ARFGAP2: variants seen among roughly 807,000 people sequenced by gnomAD.
The protein encoded by ARFGAP2 is ADP-ribosylation factor GTPase-activating protein 2.
ARFGAP2 carries 45 observed loss-of-function variants against 71.9 expected under a neutral mutation model. The ratio of observed to expected loss-of-function variants is 0.63; its 90% CI spans 0.49 to 0.80. The LOEUF is 0.80. Among genes scored for constraint, ARFGAP2 ranks in the 30% least tolerant of loss-of-function variants. ARFGAP2 has a pLI of 0.00. For synonymous variants in ARFGAP2, 248 were observed against 249.2 expected (o/e 1.00, Z 0.05); for missense variants, 633 against 673.9 (o/e 0.94, Z 0.67).
At chr11:47,167,037 CT>C (rs1952413033) in intron 12 of ARFGAP2, 151 bp from the exon 13 acceptor site, 1 of 1,029,280 alleles carries the variant, frequency 9.7e-7, no homozygotes, top group African/African-American at 1.6e-5. Context: ...CCCCTCTCCC[CT>C]GGTGAGGAGT....
chr11:47,176,419 A>C, intron 2 of ARFGAP2, 97 bp downstream of exon 2: 1 of 1,218,840 alleles, frequency 8.2e-7, no homozygotes, highest in Non-Finnish European at 1.2e-6. Flanking sequence ...TTCCCACCGA[A>C]TTCAGAGCGG....
Position 47,176,811 on chromosome 11 carries a change from T to TAA in ARFGAP2, c.41_42dup (p.Lys15LeufsTer47). The TAA allele has an allele frequency of 6.2e-7, 1 of 1,613,972 alleles. No homozygotes were observed. The highest frequency in any genetic ancestry group is 8.5e-7 in the Non-Finnish European group (1 of 1,179,986). ...TTGGTTGGAACTGCGCGAAGCCTCT[T>TAA]AAAAAGAGTCTGGATTTCGGTCTTG... On this transcript the variant is annotated frameshift_variant, in exon 1 of 16. Coordinates refer to ENST00000524782, the MANE Select transcript of ARFGAP2 (RefSeq NM_032389.6). LOFTEE classifies it high-confidence loss of function.
Position 47,173,554 on chromosome 11 carries a change from G to A in ARFGAP2, c.563-72C>T, listed in dbSNP as rs981325656. 1.8e-5 allele frequency: 27 copies of A among 1,484,794 alleles called. No individual in the cohort carries two copies. In the Admixed American group the frequency reaches 4.5e-4, roughly 25 times the overall value. The allele number at this position is 1,484,794 out of a possible 1,614,324, so 92.0% of individuals were successfully genotyped here. A position where few individuals can be genotyped will look rare whatever the true frequency, so the allele number is the denominator to read the frequency against. ...CAACCTCCCCTTGAAAGAAGTGATG[G>A]GACAAGAATCGGTGGCTTTCCTCAG... is the stretch of plus-strand genomic sequence containing the variant. On this transcript the variant is annotated intron_variant, in intron 6 of 15. Transcript: ENST00000524782.
intron 2 of ARFGAP2, 27 bp from the exon 3 acceptor site, chr11:47,175,950 A>G (rs1565133530): frequency 6.2e-7 from 1 of 1,611,946 alleles, no homozygotes; most frequent in Non-Finnish European, 8.5e-7. Flanking sequence ...CGTCTCACCC[A>G]CTAGCAGATA....
At chr11:47,174,056 G>A (rs1952698994) in intron 5 of ARFGAP2, 2 of 819,016 alleles carry the variant, frequency 2.4e-6, no homozygotes, top group Non-Finnish European at 3.8e-6. Context: ...TTTACTTAGA[G>A]CCAGAGCCCA....
At chr11:47,167,004 G>A (rs1285041605) in intron 12 of ARFGAP2, 118 bp from the exon 13 acceptor site, 6 of 1,328,690 alleles carry the variant, frequency 4.5e-6, no homozygotes, top group East Asian at 4.7e-5. Flanking sequence ...GTCCCATTCT[G>A]TCTGTGGCTC....
At chr11:47,173,613 C>G in intron 6 of ARFGAP2, 131 bp from the exon 7 acceptor site, 1 of 1,403,780 alleles carries the variant, frequency 7.1e-7, no homozygotes. Flanking sequence ...ATATCTACCA[C>G]TTCCTCCAAG....
chr11:47,174,366 CCTTTTTTTTTTTTTT>C, intron 5 of ARFGAP2: 1 of 118,834 alleles, frequency 8.4e-6, no homozygotes, highest in Non-Finnish European at 1.6e-5. Context: ...AAGCACAGTG[CCTTTTTTTTTTTTTT>C]TTTTTTTTTT....
rs755409543 is a variant in ARFGAP2 at position 47,166,789 on chromosome 11, T to C, written c.1303A>G (p.Met435Val). The change falls in exon 13 of 16, where the codon ATG becomes GTG. Residue 435 changes from methionine (M) to valine (V), a missense_variant. Transcript: ENST00000524782. ...FAGAKAISSD[M>V]FFGREVDAEY... ...GCATCCACCTCCCGCCCAAAGAACA[T>C]GTCAGATGAGATGGCTTTGGCTCCT... is the stretch of plus-strand genomic sequence containing the variant. 8.7e-6 allele frequency: 14 copies of C among 1,614,058 alleles called. No individual in the cohort carries two copies. The highest frequency in any genetic ancestry group is 4.5e-5 in the East Asian group (2 of 44,888).
rs1400332466 is a variant in ARFGAP2 at position 47,164,846 on chromosome 11, G to A, written c.*636C>T. ...TACTGTAGAAAGGGGTGGTGAGACGGGAGAACCCAAGGGTCTCCGGTCTGA... is the reference window on the plus strand; with the variant it reads ...TACTGTAGAAAGGGGTGGTGAGACGAGAGAACCCAAGGGTCTCCGGTCTGA... On this transcript the variant is annotated 3_prime_UTR_variant, in exon 16 of 16. Coordinates refer to ENST00000524782, the MANE Select transcript of ARFGAP2 (RefSeq NM_032389.6). 6.6e-6 allele frequency: 1 copy of A among 152,424 alleles called. No individual in the cohort carries two copies. The highest frequency in any genetic ancestry group is 1.5e-5 in the Non-Finnish European group (1 of 68,230). 9.4% of individuals were successfully genotyped at this position (152,424 alleles called of 1,614,324 possible). A position where few individuals can be genotyped will look rare whatever the true frequency, so the allele number is the denominator to read the frequency against.
intron 10 of ARFGAP2, among the ~76,000 whole-genome samples, chr11:47,170,039 C>G (rs1590951312): frequency 6.6e-6 from 1 of 151,872 alleles, no homozygotes; most frequent in Non-Finnish European, 1.5e-5. Context: ...GCCCGTAATC[C>G]AAGCACTGGG....
At chr11:47,168,067 A>G in intron 11 of ARFGAP2, 24 bp from the exon 12 acceptor site, 2 of 1,614,214 alleles carry the variant, frequency 1.2e-6, no homozygotes, top group Non-Finnish European at 1.7e-6. Context: ...AGAGTGGCTC[A>G]GAGAAGCCTG....
At chr11:47,174,309 T>C (rs1311601406) in intron 5 of ARFGAP2, 1 of 154,636 alleles carries the variant, frequency 6.5e-6, no homozygotes, top group African/African-American at 2.6e-5. Context: ...GAGGAAACCC[T>C]CCTCAAAGGG....
intron 5 of ARFGAP2, chr11:47,174,725 A>G (rs572907894): frequency 1.8e-4 from 63 of 349,128 alleles, no homozygotes; most frequent in Non-Finnish European, 2.7e-5. Flanking sequence ...GGAAGAATCC[A>G]GGAAAATTTG....
intron 10 of ARFGAP2, 103 bp from the exon 11 acceptor site, chr11:47,168,354 A>AC: frequency 6.6e-7 from 1 of 1,507,472 alleles, no homozygotes; most frequent in Non-Finnish European, 9.0e-7. Context: ...ACGGAGCGTC[A>AC]CCCAGAGCCT....
At chr11:47,165,996 G>A (rs1333983926) in intron 15 of ARFGAP2, among the ~76,000 whole-genome samples, 1 of 152,136 alleles carries the variant, frequency 6.6e-6, no homozygotes, top group African/African-American at 2.4e-5. Context: ...ATCCCGAGTA[G>A]CGGGATTACA....
rs556934042 is a variant in ARFGAP2 at position 47,176,518 on chromosome 11, G to C, written c.189C>G (p.Ile63Met). Residue 63 changes from isoleucine to methionine, a missense_variant and splice_region_variant, in exon 2 of 16, where the codon ATC (isoleucine) becomes ATG (methionine). Coordinates refer to ENST00000524782, the MANE Select transcript of ARFGAP2 (RefSeq NM_032389.6). ...CGGCAACCGCGCGGAGAGCCTACCTGATGAAGCTCAGATGGACGCCCAGGG... is the reference window on the plus strand; with the variant it reads ...CGGCAACCGCGCGGAGAGCCTACCTCATGAAGCTCAGATGGACGCCCAGGG... ...HRSLGVHLSF[I>M]RSTELDSNWN... 8.1e-6 allele frequency: 13 copies of C among 1,613,202 alleles called. No homozygotes were observed. Among genetic ancestry groups the C allele is most frequent in the African/African-American group, 1.3e-5 (1 of 74,924 alleles).
chr11:47,175,342 G>A (rs1251738127), intron 3 of ARFGAP2, 29 bp from the exon 4 acceptor site: 3 of 1,613,682 alleles, frequency 1.9e-6, no homozygotes, highest in Non-Finnish European at 2.5e-6. Flanking sequence ...AGCAGCGCGT[G>A]CTACGGGTGA....
At chr11:47,176,146 T>C in intron 2 of ARFGAP2, 1 of 601,224 alleles carries the variant, frequency 1.7e-6, no homozygotes, top group Admixed American at 2.9e-5. Context: ...GGAGGTCACA[T>C]TCTCAGGCAC....
Sources: gnomAD v4.1 joint callset for allele counts (sites outside exome capture counted in the v4.1 genomes callset) on GRCh38, gnomAD v4.1.1 for gene constraint, MANE v1.5 for transcripts, NCBI Gene and HGNC (gene_info 2026-07-23, HGNC 2026-07-21) for gene names.